The following FAM193A variants were observed in gnomAD, a reference collection of about 807,000 sequenced individuals.
FAM193A encodes the protein protein FAM193A.
Under a neutral mutation model 126.5 loss-of-function variants are expected in FAM193A, and 22 were observed. The observed-to-expected ratio is 0.17, with a 90% CI of 0.12 to 0.25. FAM193A has a LOEUF of 0.25. FAM193A is among the 10% of genes least tolerant of loss of function. FAM193A has a pLI of 1.00. For missense variants in FAM193A, 1,675 were observed against 1,672.8 expected, an observed-to-expected ratio of 1.00 and a Z score of -0.02; for synonymous variants, 761 against 646.8, an observed-to-expected ratio of 1.18 and a Z score of -2.68.
intron 13 of FAM193A, among the ~76,000 whole-genome samples, chr4:2,684,608 T>C (rs231703): frequency 0.27 from 41,177 of 152,000 alleles, 6,040 homozygotes; most frequent in Middle Eastern, 0.39. Context: ...CCCTCCATAG[T>C]GGATGCTTCC....
At chr4:2,629,986 G>C (rs1743391734) in intron 4 of FAM193A, among the ~76,000 whole-genome samples, 1 of 151,990 alleles carries the variant, frequency 6.6e-6, no homozygotes, top group Non-Finnish European at 1.5e-5. Context: ...CAAAAAATTA[G>C]CCGGGCGTGG....
At chr4:2,596,753 G>GAGAGGCCA (rs71178485) in intron 2 of FAM193A, among the ~76,000 whole-genome samples, 20 of 152,200 alleles carry the variant, frequency 1.3e-4, no homozygotes, top group Non-Finnish European at 2.4e-4. Context: ...CGAGGCCACA[G>GAGAGGCCA]CAGGCTTGGC....
In FAM193A at chr4:2,623,703, C is replaced by G. The variant is rs183342196; in HGVS notation, c.502-1559C>G. 1.5e-4 allele frequency among the ~76,000 whole-genome samples: 23 copies of G among 152,274 alleles called. No individual in the cohort carries two copies. In the East Asian group the frequency reaches 4.4e-3, roughly 29 times the overall value. Reference sequence around the variant, plus strand: ...TGAGCCCCAGGCTCCTTGCCACAGGCCACCACCCGTCTCTCTGGGGGCTTG... The same window carrying G: ...TGAGCCCCAGGCTCCTTGCCACAGGGCACCACCCGTCTCTCTGGGGGCTTG... On this transcript the variant is annotated intron_variant, in intron 2 of 20. Transcript: ENST00000637812.
At chr4:2,581,956 C>T (rs1739968437) in intron 1 of FAM193A, among the ~76,000 whole-genome samples, 1 of 152,074 alleles carries the variant, frequency 6.6e-6, no homozygotes, top group African/African-American at 2.4e-5. Flanking sequence ...CCTGGCTCTT[C>T]TCCTTTACTT....
In FAM193A at chr4:2,672,388, AAG is replaced by A. The variant is rs1490901790; in HGVS notation, c.2331+17_2331+18del. 6.2e-6 allele frequency: 10 copies of A among 1,612,784 alleles called. No homozygotes were observed. Among genetic ancestry groups the A allele is most frequent in the Non-Finnish European group, 7.6e-6 (9 of 1,178,966 alleles). On this transcript the variant is annotated intron_variant, in intron 13 of 20. Transcript: ENST00000637812. ...ACACAGTAAGGTAAGTCAGGGCAAAAAGGGTCTGAAAGCTCACTCTTCACTGA... is the reference window on the plus strand; with the variant it reads ...ACACAGTAAGGTAAGTCAGGGCAAAAGGTCTGAAAGCTCACTCTTCACTGA...
intron 1 of FAM193A, among the ~76,000 whole-genome samples, chr4:2,558,327 C>T (rs1195824688): frequency 1.3e-5 from 2 of 151,650 alleles, no homozygotes; most frequent in Non-Finnish European, 2.9e-5. Flanking sequence ...AATTACTTTT[C>T]CTAAAAATAC....
chr4:2,726,278 G>A (rs1406183348), intron 20 of FAM193A, among the ~76,000 whole-genome samples: 1 of 152,062 alleles, frequency 6.6e-6, no homozygotes, highest in African/African-American at 2.4e-5. Flanking sequence ...GGATTCAAGT[G>A]ATCTATCTGC....
intron 5 of FAM193A, among the ~76,000 whole-genome samples, chr4:2,632,076 C>G (rs115313557): frequency 6.6e-6 from 1 of 152,208 alleles, no homozygotes; most frequent in African/African-American, 2.4e-5. Context: ...GGGGCCACAT[C>G]TGGTGAGAGC....
At chr4:2,643,547 A>C (rs891005226) in intron 6 of FAM193A, among the ~76,000 whole-genome samples, 19 of 152,056 alleles carry the variant, frequency 1.2e-4, no homozygotes, top group African/African-American at 3.9e-4. Flanking sequence ...CAGTAACTCT[A>C]CCATTAAACA....
At chr4:2,657,992 T>C (rs1414218496) in intron 8 of FAM193A, 112 bp downstream of exon 8, 69 of 741,884 alleles carry the variant, frequency 9.3e-5, no homozygotes, top group Non-Finnish European at 1.4e-5. Context: ...AGGACCACAT[T>C]GGCATGTTTT....
intron 1 of FAM193A, among the ~76,000 whole-genome samples, chr4:2,555,448 T>C (rs552243300): frequency 6.6e-6 from 1 of 152,284 alleles, no homozygotes; most frequent in African/African-American, 2.4e-5. Context: ...CTAGATAATA[T>C]TGGGGTCCAA....
upstream of FAM193A, among the ~76,000 whole-genome samples, chr4:2,536,332 G>C (rs575781061): frequency 6.6e-6 from 1 of 151,712 alleles, no homozygotes; most frequent in East Asian, 2.0e-4. Context: ...CTGCGGCGAC[G>C]AGCGAGGCGG....
intron 20 of FAM193A, among the ~76,000 whole-genome samples, chr4:2,716,527 A>G (rs753521054): frequency 6.6e-6 from 1 of 152,206 alleles, no homozygotes; most frequent in African/African-American, 2.4e-5. Context: ...TGACCCTCAC[A>G]TATGCTGATG....
intron 20 of FAM193A, among the ~76,000 whole-genome samples, chr4:2,716,770 G>A (rs1457271451): frequency 1.3e-5 from 2 of 151,338 alleles, no homozygotes; most frequent in African/African-American, 4.9e-5. Context: ...TCTGCCTCCC[G>A]GGTTCAAGCA....
intron 7 of FAM193A, chr4:2,655,099 C>G: frequency 1.4e-6 from 1 of 700,590 alleles, no homozygotes. Flanking sequence ...ATACTGGCAC[C>G]CTTGTCCAGT....
intron 4 of FAM193A, among the ~76,000 whole-genome samples, chr4:2,626,986 G>A (rs1216843594): frequency 2.6e-5 from 4 of 152,012 alleles, no homozygotes; most frequent in East Asian, 1.9e-4. Flanking sequence ...TGTGAGGTTG[G>A]GTAGCTTGTG....
intron 1 of FAM193A, among the ~76,000 whole-genome samples, chr4:2,554,434 C>T (rs1255462059): frequency 2.0e-5 from 3 of 152,164 alleles, no homozygotes; most frequent in African/African-American, 7.2e-5. Context: ...CCATTGTTAA[C>T]ATCAGAGATC....
chr4:2,544,802 GAGGGTTAC>G (rs1737447263), intron 1 of FAM193A, among the ~76,000 whole-genome samples: 1 of 152,080 alleles, frequency 6.6e-6, no homozygotes, highest in Admixed American at 6.6e-5. Context: ...TCAGGAGTCT[GAGGGTTAC>G]AGTGAGCTGT....
chr4:2,703,940 C>T (rs1413172557), intron 19 of FAM193A, among the ~76,000 whole-genome samples: 2 of 151,278 alleles, frequency 1.3e-5, no homozygotes, highest in Non-Finnish European at 2.9e-5. Context: ...CCACTGCACT[C>T]CAGCCTGGGT....
Sources: allele counts gnomAD v4.1 joint callset (sites outside exome capture counted in the v4.1 genomes callset), GRCh38; gene constraint gnomAD v4.1.1; transcripts MANE v1.5; gene names NCBI Gene and HGNC (gene_info 2026-07-23, HGNC 2026-07-21).